ZNF536: variants seen among roughly 807,000 people sequenced by gnomAD.
ZNF536 encodes zinc finger protein 536.
ZNF536 carries 13 observed loss-of-function variants against 84.5 expected under a neutral mutation model. The observed-to-expected ratio is 0.15, with a 90% confidence interval of 0.10 to 0.24. The LOEUF (loss-of-function observed/expected upper bound fraction) is 0.24, where lower values mean the gene tolerates loss of function less well. Ranked by LOEUF, ZNF536 falls within the 10% of genes least tolerant of loss-of-function variation. The pLI is 1.00. For missense variants in ZNF536, 1,536 were observed against 1,747.5 expected (o/e 0.88, Z 2.16); for synonymous variants, 811 against 742.5 (o/e 1.09, Z -1.50).
At chr19:30,634,757 G>A (rs1303423832) in intron 1 of ZNF536, among the ~76,000 whole-genome samples, 2 of 152,044 alleles carry the variant, frequency 1.3e-5, no homozygotes, top group East Asian at 1.9e-4. Flanking sequence ...AACCAGAAAG[G>A]GGACGGGATT....
chr19:30,632,939 A>T (rs909147285), intron 1 of ZNF536, among the ~76,000 whole-genome samples: 7 of 152,202 alleles, frequency 4.6e-5, no homozygotes, highest in African/African-American at 1.7e-4. Context: ...AAGGGTGGAG[A>T]GAGGAGGAAG....
intron 1 of ZNF536, among the ~76,000 whole-genome samples, chr19:30,434,274 C>T (rs907526880): frequency 6.6e-6 from 1 of 152,202 alleles, no homozygotes; most frequent in Non-Finnish European, 1.5e-5. Flanking sequence ...ACCCTCTGCT[C>T]TACCAGCCAG....
At chr19:30,374,715 C>A (rs2048742049) in intron 1 of ZNF536, among the ~76,000 whole-genome samples, 1 of 151,306 alleles carries the variant, frequency 6.6e-6, no homozygotes, top group African/African-American at 2.4e-5. Flanking sequence ...CCTCCTGCAA[C>A]TTCTCGGACC....
chr19:30,614,315 T>C (rs761716472), intron 1 of ZNF536, among the ~76,000 whole-genome samples: 2 of 152,074 alleles, frequency 1.3e-5, no homozygotes, highest in African/African-American at 4.8e-5. Flanking sequence ...CTTTGTAGAG[T>C]TCTACTCTTT....
rs574916125 is a variant in ZNF536, at chr19:30,235,085, C to T, written c.-190+6412C>T. Among the ~76,000 whole-genome samples the T allele has an allele frequency of 2.0e-5, 3 of 152,284 alleles. No individual in the cohort carries two copies. In the South Asian group the frequency reaches 6.2e-4, roughly 32 times the overall value. On this transcript the variant is annotated intron_variant, in intron 1 of 5. Coordinates refer to the ZNF536 transcript ENST00000585628. ...GGAGAGGTGGCCACAACATTGACAC[C>T]TGCAGTGGCCACTATTGGGTGGTGA...
At chr19:30,439,613 C>T (rs1026513231) in intron 1 of ZNF536, among the ~76,000 whole-genome samples, 5 of 152,178 alleles carry the variant, frequency 3.3e-5, no homozygotes, top group African/African-American at 9.7e-5. Context: ...TGCACCTGCT[C>T]GAGGAATCAC....
chr19:30,416,675 C>T (rs1053283969), intron 1 of ZNF536, among the ~76,000 whole-genome samples: 7 of 152,146 alleles, frequency 4.6e-5, no homozygotes, highest in African/African-American at 1.4e-4. Flanking sequence ...GCTCACCTTC[C>T]TAGTGGGTGG....
intron 2 of ZNF536, among the ~76,000 whole-genome samples, chr19:30,316,639 G>C (rs1221354347): frequency 2.0e-5 from 3 of 152,190 alleles, no homozygotes; most frequent in Non-Finnish European, 4.4e-5. Flanking sequence ...GTACCAGGCA[G>C]TAGTCTGGGC....
At chr19:30,385,193 A>G (rs1168206860) in intron 1 of ZNF536, among the ~76,000 whole-genome samples, 1 of 151,454 alleles carries the variant, frequency 6.6e-6, no homozygotes, top group Admixed American at 6.6e-5. Flanking sequence ...CCTTTCCAGG[A>G]GCAGGAGCAG....
intron 2 of ZNF536, among the ~76,000 whole-genome samples, chr19:30,318,291 G>T (rs1239384514): frequency 1.3e-5 from 2 of 152,140 alleles, no homozygotes; most frequent in East Asian, 3.9e-4. Context: ...TGAAGATGGG[G>T]TGATATCAAA....
intron 1 of ZNF536, among the ~76,000 whole-genome samples, chr19:30,708,883 A>G (rs1026174831): frequency 2.0e-5 from 3 of 152,306 alleles, no homozygotes; most frequent in Admixed American, 2.0e-4. Flanking sequence ...AAAGTGCTGA[A>G]TATGTGTTTG....
intron 2 of ZNF536, among the ~76,000 whole-genome samples, chr19:30,291,960 G>C (rs534162929): frequency 6.6e-6 from 1 of 152,178 alleles, no homozygotes; most frequent in African/African-American, 2.4e-5. Context: ...TGGCATGCAG[G>C]CACTCCTATT....
At chr19:30,623,665 C>T (rs929705650) in intron 1 of ZNF536, among the ~76,000 whole-genome samples, 2 of 152,226 alleles carry the variant, frequency 1.3e-5, no homozygotes, top group Non-Finnish European at 2.9e-5. Flanking sequence ...TCCACTGTAG[C>T]CTCTCAGTGA....
intron 1 of ZNF536, among the ~76,000 whole-genome samples, chr19:30,700,365 T>TCCTC (rs2147989545): frequency 6.9e-6 from 1 of 144,132 alleles, no homozygotes; most frequent in East Asian, 2.2e-4. Context: ...CTTCCTTCCT[T>TCCTC]CCTCCTTTCT....
intron 1 of ZNF536, among the ~76,000 whole-genome samples, chr19:30,684,750 G>A (rs956907609): frequency 6.6e-6 from 1 of 152,170 alleles, no homozygotes; most frequent in African/African-American, 2.4e-5. Flanking sequence ...GGCAAGGGAG[G>A]GGGCTGTTGC....
At chr19:30,240,160 G>A (rs868188153) in intron 1 of ZNF536, among the ~76,000 whole-genome samples, 3 of 152,018 alleles carry the variant, frequency 2.0e-5, no homozygotes, top group African/African-American at 7.3e-5. Flanking sequence ...GTTGAGGTCA[G>A]GAGATCGACA....
At chr19:30,509,344 A>T (rs2055313300) in intron 2 of ZNF536, among the ~76,000 whole-genome samples, 2 of 145,474 alleles carry the variant, frequency 1.4e-5, no homozygotes, top group South Asian at 4.3e-4. Flanking sequence ...AGATATGATT[A>T]TAATTACATA....
intron 2 of ZNF536, among the ~76,000 whole-genome samples, chr19:30,459,044 G>T (rs566505917): frequency 6.6e-6 from 1 of 152,256 alleles, no homozygotes; most frequent in African/African-American, 2.4e-5. Context: ...CTGTGCCTTG[G>T]TTTCCTCCAT....
intron 1 of ZNF536, among the ~76,000 whole-genome samples, chr19:30,248,495 G>A (rs936946734): frequency 1.0e-4 from 15 of 149,428 alleles, no homozygotes; most frequent in East Asian, 2.0e-4. Context: ...CTACCCACCC[G>A]CACCTCCCAA....
Sources: allele counts gnomAD v4.1 joint callset (sites outside exome capture counted in the v4.1 genomes callset), GRCh38; gene constraint gnomAD v4.1.1; transcripts MANE v1.5; gene names NCBI Gene and HGNC (gene_info 2026-07-23, HGNC 2026-07-21).